Variants in GRTP1 observed in about 807,000 individuals in gnomAD.
The protein encoded by GRTP1 is growth hormone-regulated TBC protein 1.
In GRTP1, 56 loss-of-function variants were observed where a neutral mutation model predicts 38.1. The observed-to-expected ratio is 1.47, with a 90% CI of 1.19 to 1.84. The LOEUF (loss-of-function observed/expected upper bound fraction) is 1.84. GRTP1 is among the 40% of genes most tolerant of loss of function. GRTP1 has a pLI of 0.00. For synonymous variants in GRTP1, 217 were observed against 189.5 expected, an observed-to-expected ratio of 1.14 and a Z score of -1.19; for missense variants, 506 against 453.9, an observed-to-expected ratio of 1.11 and a Z score of -1.04.
In GRTP1 at chr13:113,349,351, G is replaced by A. The variant is rs116636628; in HGVS notation, c.465+1498C>T. Among the ~76,000 whole-genome samples the A allele has an allele frequency of 6.0e-3, 898 of 150,806 alleles. 16 individuals carry two copies. The highest frequency in any genetic ancestry group is 0.018 in the African/African-American group (745 of 40,946). ...CCACAGGCGTGTGCCACCACACCCC[G>A]CTAATTTTTAAAAATATTTTGTAGA... On this transcript the variant is annotated intron_variant, in intron 4 of 7. Coordinates refer to ENST00000375431, the MANE Select transcript of GRTP1 (RefSeq NM_024719.4). This position sits in a 1 kb window ranked among gnomAD's most constrained non-coding sequence, Gnocchi z 5.0.
At position 113,363,745 on chromosome 13, in the gene GRTP1, G is replaced by C. The variant is rs2043545403; in HGVS notation, c.181+17C>G. 1 of 1,601,322 alleles carries C rather than the reference G, an allele frequency of 6.2e-7. No homozygotes were observed. The highest frequency in any genetic ancestry group is 1.7e-5 in the Admixed American group (1 of 59,252). ...CCACCTGCGCCCTCGGGACCCACCT[G>C]CGCCCCCGGGACCCACCTGTCCGGC... On this transcript the variant is annotated intron_variant, in intron 2 of 7. Coordinates refer to ENST00000375431, the MANE Select transcript of GRTP1 (RefSeq NM_024719.4).
chr13:113,356,824 G>A (rs1342790279), intron 2 of GRTP1, among the ~76,000 whole-genome samples: 1 of 152,128 alleles, frequency 6.6e-6, no homozygotes, highest in African/African-American at 2.4e-5. Flanking sequence ...ATGATCATGT[G>A]CTATGTGATT....
Position 113,363,831 on chromosome 13 carries a change from T to C in GRTP1, c.112A>G (p.Thr38Ala), listed in dbSNP as rs773989752. ...CATTTGATCGCCCTGCGGGTGAGCGTGACCAGGTAGCTGGAGAAAAACTTC... is the reference window on the plus strand; with the variant it reads ...CATTTGATCGCCCTGCGGGTGAGCGCGACCAGGTAGCTGGAGAAAAACTTC... ...YEKFFSSYLV[T>A]LTRRAIKWSR... The change falls in exon 2 of 8, where the codon ACG becomes GCG. Residue 38 changes from threonine (T) to alanine (A), a missense_variant. By Grantham distance (58) the Thr-to-Ala change is moderately conservative. Coordinates refer to ENST00000375431, the MANE Select transcript of GRTP1 (RefSeq NM_024719.4). The C allele has an allele frequency of 1.1e-5, 17 of 1,611,860 alleles. No homozygotes were observed. Among genetic ancestry groups the C allele is most frequent in the Non-Finnish European group, 1.4e-5 (16 of 1,179,556 alleles).
chr13:113,337,068 A>G (rs1387950663), intron 5 of GRTP1, among the ~76,000 whole-genome samples: 1 of 152,150 alleles, frequency 6.6e-6, no homozygotes, highest in Non-Finnish European at 1.5e-5. Context: ...CTGAGGTGGG[A>G]GGATCATTTG....
intron 2 of GRTP1, among the ~76,000 whole-genome samples, chr13:113,357,529 C>T (rs1417709199): frequency 1.3e-5 from 2 of 150,222 alleles, no homozygotes; most frequent in African/African-American, 2.4e-5. Context: ...CAGGTAAGAA[C>T]ATCTCAGCAC....
intron 5 of GRTP1, chr13:113,339,717 T>A (rs781604725): frequency 3.9e-5 from 6 of 152,246 alleles, no homozygotes; most frequent in Non-Finnish European, 8.8e-5. Flanking sequence ...CACACCATTT[T>A]AATTATTAGA....
intron 4 of GRTP1, among the ~76,000 whole-genome samples, chr13:113,346,595 AGGACCTCTGTGCCTGACAGTGGACCCG>A (rs2043142374): frequency 7.4e-5 from 1 of 13,602 alleles, no homozygotes; most frequent in African/African-American, 8.4e-5. Context: ...CAGACCCGGG[AGGACCTCTGTGCCTGACAGTGGACCCG>A]GGAGGACCTC....
chr13:113,327,912 G>A (rs1215848348), intron 5 of GRTP1, among the ~76,000 whole-genome samples: 1 of 152,214 alleles, frequency 6.6e-6, no homozygotes, highest in Non-Finnish European at 1.5e-5. Flanking sequence ...ACACAGAGAA[G>A]CTTAGAACAG....
At chr13:113,345,043 C>G (rs1335548394) in intron 4 of GRTP1, 84 bp from the exon 5 acceptor site, 18 of 1,464,408 alleles carry the variant, frequency 1.2e-5, no homozygotes, top group Non-Finnish European at 1.5e-5. Context: ...ACAAACTACC[C>G]AGTTTCCATT....
intron 2 of GRTP1, among the ~76,000 whole-genome samples, chr13:113,361,188 AAG>A (rs2043490510): frequency 6.9e-6 from 1 of 145,740 alleles, no homozygotes; most frequent in Non-Finnish European, 1.5e-5. Context: ...AATTTTTAGA[AAG>A]AGTTGATAGA....
intron 4 of GRTP1, among the ~76,000 whole-genome samples, chr13:113,345,768 G>A (rs1490260852): frequency 6.6e-6 from 1 of 152,246 alleles, no homozygotes; most frequent in Non-Finnish European, 1.5e-5. Context: ...AAGCACTGGA[G>A]GACGGGCACG....
intron 5 of GRTP1, among the ~76,000 whole-genome samples, chr13:113,338,936 G>C (rs576458288): frequency 3.6e-5 from 5 of 138,160 alleles, no homozygotes; most frequent in Admixed American, 7.6e-5. Context: ...TTTTTGAGAC[G>C]GAGCTTCACT....
intron 2 of GRTP1, among the ~76,000 whole-genome samples, chr13:113,360,682 C>A (rs888460345): frequency 6.6e-6 from 1 of 152,230 alleles, no homozygotes; most frequent in South Asian, 2.1e-4. Flanking sequence ...ATCCCTACTC[C>A]CTGCAGAACA....
intron 4 of GRTP1, among the ~76,000 whole-genome samples, chr13:113,346,077 AGCAGACCTGG>A (rs1566429053): frequency 6.1e-5 from 6 of 97,636 alleles, no homozygotes; most frequent in African/African-American, 2.3e-4. Flanking sequence ...TCTGCGGCTG[AGCAGACCTGG>A]GAAGACATCT....
intron 2 of GRTP1, among the ~76,000 whole-genome samples, chr13:113,363,497 G>T (rs1246534811): frequency 6.6e-6 from 1 of 152,162 alleles, no homozygotes; most frequent in African/African-American, 2.4e-5. Context: ...GAGCCACCGC[G>T]CCCGGCATGG....
At chr13:113,363,456 C>T (rs2043537035) in intron 2 of GRTP1, among the ~76,000 whole-genome samples, 2 of 152,202 alleles carry the variant, frequency 1.3e-5, no homozygotes, top group African/African-American at 2.4e-5. Context: ...CCGCCCGCCT[C>T]GGCCTCCCAA....
At position 113,351,074 on chromosome 13, in the gene GRTP1, T is replaced by G. The variant is rs542345088; in HGVS notation, c.341-101A>C. 1.2e-3 allele frequency: 1,746 copies of G among 1,500,566 alleles called. 4 individuals carry two copies. The highest frequency in any genetic ancestry group is 1.4e-3 in the Non-Finnish European group (1,578 of 1,089,438). 93.0% of individuals were successfully genotyped at this position (1,500,566 alleles called of 1,614,324 possible). A position where few individuals can be genotyped will look rare whatever the true frequency, so the allele number is the denominator to read the frequency against. ...TGGCCACCTGGGTTCCACTTGGGAC[T>G]TACGGACTGGTTTTCACCCTGGCCG... On this transcript the variant is annotated intron_variant, in intron 3 of 7. Coordinates refer to ENST00000375431, the MANE Select transcript of GRTP1 (RefSeq NM_024719.4).
At chr13:113,325,608 A>C (rs1341327380) in intron 7 of GRTP1, 53 bp downstream of exon 7, 2 of 1,613,362 alleles carry the variant, frequency 1.2e-6, no homozygotes, top group South Asian at 2.2e-5. Flanking sequence ...CCCGGGCTGC[A>C]GGTGAGGCGG....
chr13:113,326,190 G>A (rs551448262), intron 5 of GRTP1, 99 bp from the exon 6 acceptor site: 35 of 1,451,452 alleles, frequency 2.4e-5, no homozygotes, highest in Non-Finnish European at 3.1e-5. Context: ...GCCACCCTGG[G>A]AGGACCCCTC....
Sources: gnomAD v4.1 joint callset for allele counts (sites outside exome capture counted in the v4.1 genomes callset) on GRCh38, gnomAD v4.1.1 for gene constraint, Gnocchi (gnomAD v3.1) non-coding constraint, MANE v1.5 for transcripts, NCBI Gene and HGNC (gene_info 2026-07-23, HGNC 2026-07-21) for gene names.